CADM2: variants seen among roughly 807,000 people sequenced by gnomAD.
CADM2 encodes the protein immunoglobulin superfamily member 4D.
A neutral mutation model predicts 49.8 loss-of-function variants in CADM2; 12 were observed. The ratio of observed to expected loss-of-function variants is 0.24; its 90% CI spans 0.15 to 0.39. CADM2 has a LOEUF of 0.39. CADM2 is among the 10% of genes least tolerant of loss of function. CADM2 has a pLI of 1.00. For missense variants in CADM2, 378 were observed against 492.3 expected, an observed-to-expected ratio of 0.77 and a Z score of 2.20; for synonymous variants, 214 against 175.4, an observed-to-expected ratio of 1.22 and a Z score of -1.74.
chr3:85,330,028 A>G (rs1196695981), intron 1 of CADM2, among the ~76,000 whole-genome samples: 4 of 152,204 alleles, frequency 2.6e-5, no homozygotes, highest in Non-Finnish European at 4.4e-5. Context: ...GATTAAATTC[A>G]TCTTGAGGAT....
At chr3:85,774,871 A>T (rs887155313) in intron 2 of CADM2, among the ~76,000 whole-genome samples, 5 of 151,754 alleles carry the variant, frequency 3.3e-5, no homozygotes, top group Admixed American at 1.3e-4. Context: ...ACACCGATAG[A>T]ACCACTAGGT....
At chr3:86,007,453 A>G (rs970484996) in intron 8 of CADM2, among the ~76,000 whole-genome samples, 19 of 152,310 alleles carry the variant, frequency 1.2e-4, no homozygotes, top group African/African-American at 4.6e-4. Flanking sequence ...GTCATGAAAC[A>G]TATAAACTGA....
chr3:85,058,996 T>C (rs1182762211), intron 1 of CADM2, among the ~76,000 whole-genome samples: 1 of 151,912 alleles, frequency 6.6e-6, no homozygotes, highest in Non-Finnish European at 1.5e-5. Context: ...TATTCAAGAA[T>C]GCATCTGCCG....
intron 3 of CADM2, among the ~76,000 whole-genome samples, chr3:85,810,334 T>A (rs1559673911): frequency 6.6e-6 from 1 of 152,028 alleles, no homozygotes; most frequent in South Asian, 2.1e-4. Context: ...AGAGTGTGGA[T>A]CTGGAAGATG....
intron 8 of CADM2, among the ~76,000 whole-genome samples, chr3:86,061,442 T>A (rs956912822): frequency 6.6e-6 from 1 of 152,050 alleles, no homozygotes; most frequent in Non-Finnish European, 1.5e-5. Context: ...ATTAAAGAAA[T>A]TCTGTGGGGG....
chr3:85,242,075 T>TTA (rs1553699701), intron 1 of CADM2, among the ~76,000 whole-genome samples: 7 of 150,768 alleles, frequency 4.6e-5, no homozygotes, highest in Admixed American at 6.6e-5. Flanking sequence ...GTTTTTTTTT[T>TTA]TATATATATA....
At chr3:85,314,476 A>T (rs1022846904) in intron 1 of CADM2, among the ~76,000 whole-genome samples, 9 of 152,112 alleles carry the variant, frequency 5.9e-5, no homozygotes, top group Admixed American at 2.6e-4. Flanking sequence ...ATTAAAAAAA[A>T]ACCTTCATAA....
chr3:85,055,968 A>G, intron 1 of CADM2, among the ~76,000 whole-genome samples: 1 of 152,066 alleles, frequency 6.6e-6, no homozygotes. Flanking sequence ...ATCAAATTAT[A>G]ATAGCCCAGT....
intron 3 of CADM2, among the ~76,000 whole-genome samples, chr3:85,846,070 G>A (rs2074866767): frequency 6.6e-6 from 1 of 152,118 alleles, no homozygotes; most frequent in African/African-American, 2.4e-5. Flanking sequence ...TCATAGGAGA[G>A]ACTCAGAGAA....
At chr3:85,164,793 T>G (rs1559698475) in intron 1 of CADM2, among the ~76,000 whole-genome samples, 1 of 152,072 alleles carries the variant, frequency 6.6e-6, no homozygotes, top group African/African-American at 2.4e-5. Flanking sequence ...ATTATTTTTG[T>G]AGAAGAGTAA....
chr3:85,394,643 G>A (rs1991872), intron 1 of CADM2, among the ~76,000 whole-genome samples: 76,341 of 151,978 alleles, frequency 0.5, 22,311 homozygotes, highest in East Asian at 0.83. Context: ...TCATATAACC[G>A]TGGCTTATTT....
At position 85,996,171 on chromosome 3, in the gene CADM2, G is replaced by A. The variant is rs568526867; in HGVS notation, c.970+34524G>A. On this transcript the variant is annotated intron_variant, in intron 8 of 9. Transcript: ENST00000383699. The stretch of plus-strand genomic sequence containing the variant: ...TTAATATTGTAAGACAAAAGCAGAG[G>A]GATCAAAATTTGAAGATTTATATTA... 1.3e-3 allele frequency among the ~76,000 whole-genome samples: 198 copies of A among 150,940 alleles called. No individual in the cohort carries two copies. The Middle Eastern group carries it at 0.02, about 16-fold the overall frequency.
chr3:85,827,495 C>T (rs1229559947), intron 3 of CADM2, among the ~76,000 whole-genome samples: 1 of 151,808 alleles, frequency 6.6e-6, no homozygotes, highest in Non-Finnish European at 1.5e-5. Context: ...TTATAAAATT[C>T]TTTAGAAATT....
chr3:85,557,253 A>G (rs2061982723), intron 1 of CADM2, among the ~76,000 whole-genome samples: 1 of 152,072 alleles, frequency 6.6e-6, no homozygotes, highest in Non-Finnish European at 1.5e-5. Flanking sequence ...ATGTGTATGT[A>G]GATACAGCTG....
chr3:85,446,856 C>A (rs1254952045), intron 1 of CADM2, among the ~76,000 whole-genome samples: 1 of 149,834 alleles, frequency 6.7e-6, no homozygotes, highest in Non-Finnish European at 1.5e-5. Flanking sequence ...CCCACCCTGG[C>A]CTCCCTATGT....
intron 1 of CADM2, among the ~76,000 whole-genome samples, chr3:85,341,217 T>C (rs958472950): frequency 2.0e-5 from 3 of 151,832 alleles, no homozygotes; most frequent in African/African-American, 7.2e-5. Context: ...CTGAAATTGT[T>C]CTGGTTTATT....
At chr3:85,493,685 C>T (rs2039770112) in intron 1 of CADM2, among the ~76,000 whole-genome samples, 1 of 152,080 alleles carries the variant, frequency 6.6e-6, no homozygotes, top group South Asian at 2.1e-4. Context: ...CTCAGAGTTC[C>T]CTGAGGATTC....
intron 1 of CADM2, among the ~76,000 whole-genome samples, chr3:85,573,930 A>G (rs1425220043): frequency 6.6e-6 from 1 of 152,036 alleles, no homozygotes; most frequent in African/African-American, 2.4e-5. Context: ...CTACATATGC[A>G]ACATGTGAAG....
chr3:85,158,675 A>T (rs981768529), intron 1 of CADM2, among the ~76,000 whole-genome samples: 2 of 151,764 alleles, frequency 1.3e-5, no homozygotes, highest in African/African-American at 4.8e-5. Flanking sequence ...GAAACATCAC[A>T]CTCTGGGGAT....
Sources: gnomAD v4.1 joint callset for allele counts (sites outside exome capture counted in the v4.1 genomes callset) on GRCh38, gnomAD v4.1.1 for gene constraint, MANE v1.5 for transcripts, NCBI Gene and HGNC (gene_info 2026-07-23, HGNC 2026-07-21) for gene names.